The following ANKRD45 variants were observed in gnomAD, a reference collection of about 807,000 sequenced individuals.
ANKRD45 encodes the protein ankyrin repeat domain 45, also known as ankyrin repeat domain-containing protein 45.
A neutral mutation model predicts 28.1 loss-of-function variants in ANKRD45; 21 were observed. The observed-to-expected ratio is 0.75, with a 90% CI of 0.53 to 1.08. The LOEUF is 1.08. Ranked by LOEUF, ANKRD45 falls within the 50% of genes least tolerant of loss-of-function variation. ANKRD45 has a pLI of 0.00. For missense variants in ANKRD45, 261 were observed against 308.7 expected (o/e 0.85, Z 1.16); for synonymous variants, 86 against 103.9 (o/e 0.83, Z 1.05).
the ANKRD45 span, among the ~76,000 whole-genome samples, chr1:173,687,548 CA>C: frequency 6.8e-6 from 1 of 147,426 alleles, no homozygotes; most frequent in Non-Finnish European, 1.5e-5. Context: ...TCTAAGGCCA[CA>C]AGATTAGAAG....
chr1:173,641,678 G>A (rs544389880), intron 3 of ANKRD45, among the ~76,000 whole-genome samples: 3 of 152,130 alleles, frequency 2.0e-5, no homozygotes, highest in East Asian at 1.9e-4. Context: ...CTGGCATTTC[G>A]TCAGTCTGCG....
intron 5 of ANKRD45, among the ~76,000 whole-genome samples, chr1:173,624,218 T>C (rs902864709): frequency 3.3e-5 from 5 of 152,082 alleles, no homozygotes; most frequent in Admixed American, 2.6e-4. Context: ...ACAGGCCCAG[T>C]GTGGTGGCTC....
At chr1:173,619,287 A>T (rs896673593) in intron 5 of ANKRD45, among the ~76,000 whole-genome samples, 1 of 152,234 alleles carries the variant, frequency 6.6e-6, no homozygotes, top group African/African-American at 2.4e-5. Context: ...CACACATAAC[A>T]ATATTAAGCT....
At chr1:173,613,187 G>A (rs1254755111) in intron 5 of ANKRD45, among the ~76,000 whole-genome samples, 1 of 150,530 alleles carries the variant, frequency 6.6e-6, no homozygotes, top group Non-Finnish European at 1.5e-5. Context: ...GATGCGGGGA[G>A]CACCTCTTCC....
chr1:173,694,315 CACGGACACCAAGCTA>C, the ANKRD45 span, among the ~76,000 whole-genome samples: 2 of 151,986 alleles, frequency 1.3e-5, no homozygotes, highest in African/African-American at 4.8e-5. Context: ...AGGTGCATGC[CACGGACACCAAGCTA>C]ACTTTTGTAG....
chr1:173,628,587 T>C (rs929144199), intron 3 of ANKRD45, among the ~76,000 whole-genome samples: 1 of 152,114 alleles, frequency 6.6e-6, no homozygotes, highest in Non-Finnish European at 1.5e-5. Flanking sequence ...GACTTTGTCT[T>C]ATGGCTCGGG....
At chr1:173,711,149 C>G in the ANKRD45 span, among the ~76,000 whole-genome samples, 1 of 152,188 alleles carries the variant, frequency 6.6e-6, no homozygotes, top group Non-Finnish European at 1.5e-5. Context: ...ATAAGGTAAG[C>G]TCAGCAACCC....
the ANKRD45 span, among the ~76,000 whole-genome samples, chr1:173,686,905 C>G: frequency 2.0e-5 from 3 of 152,108 alleles, no homozygotes; most frequent in Admixed American, 6.5e-5. Flanking sequence ...TTTTTAATGT[C>G]TGACCAGAAG....
At chr1:173,624,638 C>G in intron 5 of ANKRD45, 149 bp downstream of exon 5, 1 of 724,868 alleles carries the variant, frequency 1.4e-6, no homozygotes, top group Non-Finnish European at 2.1e-6. Context: ...AATAATGAAA[C>G]TAGGGAACTA....
rs1015985042 is a variant in ANKRD45 at position 173,624,829 on chromosome 1, C to T, written c.688G>A (p.Glu230Lys). ...NELFEQRQQL[E>K]DIVTPIFTKM... ...GTGAAGATAGGAGTCACAATATCTT[C>T]CAGTTGTTGTCTCTGCTCAAAAAGC... Residue 230 changes from glutamate to lysine, a missense_variant, in exon 5 of 6, where the codon GAA becomes AAA. Coordinates refer to ENST00000333279, the MANE Select transcript of ANKRD45 (RefSeq NM_198493.3). The T allele has an allele frequency of 5.6e-6, 9 of 1,613,568 alleles. No individual in the cohort carries two copies. In the African/African-American group the frequency reaches 1.2e-4, roughly 22 times the overall value.
chr1:173,701,397 T>C, the ANKRD45 span, among the ~76,000 whole-genome samples: 1 of 152,142 alleles, frequency 6.6e-6, no homozygotes, highest in Admixed American at 6.5e-5. Context: ...CTATTCACAA[T>C]AGTAAAGACT....
At chr1:173,671,815 G>A (rs1670272763), upstream of ANKRD45, among the ~76,000 whole-genome samples, 1 of 151,320 alleles carries the variant, frequency 6.6e-6, no homozygotes, top group Non-Finnish European at 1.5e-5. Flanking sequence ...CCGGGAGGCG[G>A]AGGTTACAGT....
chr1:173,683,060 T>C, the ANKRD45 span, among the ~76,000 whole-genome samples: 1 of 151,954 alleles, frequency 6.6e-6, no homozygotes, highest in East Asian at 1.9e-4. Flanking sequence ...TCGGATTTGA[T>C]CAAGTTCAGA....
intron 3 of ANKRD45, chr1:173,636,862 T>C (rs1402127628): frequency 1.3e-6 from 2 of 1,535,712 alleles, no homozygotes; most frequent in Non-Finnish European, 1.7e-6. Flanking sequence ...AACCTGGTAA[T>C]GATCTAGAAA....
intron 3 of ANKRD45, among the ~76,000 whole-genome samples, chr1:173,639,535 C>T (rs955197412): frequency 6.6e-6 from 1 of 152,206 alleles, no homozygotes; most frequent in Non-Finnish European, 1.5e-5. Flanking sequence ...CCAAACCTCT[C>T]ATAAGGGAGT....
intron 1 of ANKRD45, among the ~76,000 whole-genome samples, chr1:173,660,577 G>A (rs1313290385): frequency 1.3e-5 from 2 of 152,148 alleles, no homozygotes; most frequent in East Asian, 1.9e-4. Flanking sequence ...CAGCAATAAT[G>A]AGGGGATGTA....
At chr1:173,688,622 G>A in the ANKRD45 span, among the ~76,000 whole-genome samples, 1 of 112,486 alleles carries the variant, frequency 8.9e-6, no homozygotes, top group Non-Finnish European at 1.7e-5. Context: ...CTCTCTCTCC[G>A]CCTCTTCCTC....
At chr1:173,714,639 C>G in the ANKRD45 span, among the ~76,000 whole-genome samples, 2 of 152,206 alleles carry the variant, frequency 1.3e-5, no homozygotes, top group Non-Finnish European at 2.9e-5. Flanking sequence ...AGGAGACCCA[C>G]CAACTAAAAA....
At chr1:173,707,043 T>A in the ANKRD45 span, among the ~76,000 whole-genome samples, 1 of 152,194 alleles carries the variant, frequency 6.6e-6, no homozygotes, top group Non-Finnish European at 1.5e-5. Flanking sequence ...GCAAGATTGC[T>A]CATGATATAT....
Sources: allele counts gnomAD v4.1 joint callset (sites outside exome capture counted in the v4.1 genomes callset), GRCh38; gene constraint gnomAD v4.1.1; transcripts MANE v1.5; gene names NCBI Gene and HGNC (gene_info 2026-07-23, HGNC 2026-07-21).